The following LMNB2 variants were observed in gnomAD, a reference collection of about 807,000 sequenced individuals.
LMNB2 encodes lamin B2.
A neutral mutation model predicts 69.3 loss-of-function variants in LMNB2; 17 were observed. The observed-to-expected ratio is 0.25, with a 90% CI of 0.17 to 0.37. The LOEUF (loss-of-function observed/expected upper bound fraction) is 0.37, where lower values mean the gene tolerates loss of function less well. Ranked by LOEUF, LMNB2 falls within the 10% of genes least tolerant of loss-of-function variation. The pLI is 1.00. For synonymous variants in LMNB2, 397 were observed against 389.3 expected (o/e 1.02, Z -0.23); for missense variants, 789 against 883.6 (o/e 0.89, Z 1.36).
At chr19:2,434,955 C>G in intron 5 of LMNB2, 42 bp from the exon 6 acceptor site, 1 of 1,586,194 alleles carries the variant, frequency 6.3e-7, no homozygotes. Flanking sequence ...CGGGGCGGGG[C>G]GGGGTTCCCA....
Position 2,433,938 on chromosome 19 carries a change from C to G in LMNB2, c.1370G>C (p.Gly457Ala), listed in dbSNP as rs1971782962. 6.2e-7 allele frequency: 1 copy of G among 1,612,092 alleles called. No homozygotes were observed. Among genetic ancestry groups the G allele is most frequent in the Non-Finnish European group, 8.5e-7 (1 of 1,179,776 alleles). The part of the protein sequence containing the change: ...SGPSVLGTGT[G>A]GSGGFHLAQQ... ...GGCCAGGTGGAAGCCACCGCTGCCA[C>G]CCGTGCCCGTGCCCAGGACGCTTGG... Residue 457 changes from glycine (G) to alanine (A), a missense_variant, in exon 8 of 12, where the codon GGT (glycine) becomes GCT (alanine). By Grantham distance (60) the Gly-to-Ala change is moderately conservative. Around this residue, in one of 3 missense-constraint regions of LMNB2, gnomAD observed 609 missense variants for 630.9 expected, o/e 0.97. Coordinates refer to ENST00000325327, the MANE Select transcript of LMNB2 (RefSeq NM_032737.4).
At position 2,433,952 on chromosome 19, in the gene LMNB2, C is replaced by G. The variant is rs769439598; in HGVS notation, c.1356G>C (p.Leu452=). 1 of 1,611,822 alleles carries G rather than the reference C, an allele frequency of 6.2e-7. No homozygotes were observed. Among genetic ancestry groups the G allele is most frequent in the African/African-American group, 1.3e-5 (1 of 74,918 alleles). ...CACCGCTGCCACCCGTGCCCGTGCCCAGGACGCTTGGGCCGCTGCCCAAGG... is the reference window on the plus strand; with the variant it reads ...CACCGCTGCCACCCGTGCCCGTGCCGAGGACGCTTGGGCCGCTGCCCAAGG... ...EEPLGSGPSV[L]GTGTGGSGGF... The change falls in exon 8 of 12, where the codon CTG becomes CTC. Residue 452 remains leucine, a synonymous_variant. Transcript: ENST00000325327.
chr19:2,438,615 C>G (rs1971857069), intron 2 of LMNB2, 84 bp from the exon 3 acceptor site: 19 of 1,521,672 alleles, frequency 1.2e-5, no homozygotes, highest in Non-Finnish European at 1.7e-5. Context: ...CAGGCAAGCC[C>G]AAAGACAAGG....
In LMNB2 at chr19:2,456,700, G is replaced by T; in HGVS notation, c.234C>A (p.Ile78=). The stretch of plus-strand genomic sequence containing the variant: ...GCGTGGTCACCTCCTCCTTCTCTGA[G>T]ATCTTGAGCAGGAGCCGGTCGTTCT... ...ELENDRLLLK[I]SEKEEVTTRE... is the part of the protein sequence containing the mutation. Residue 78 remains isoleucine, a synonymous_variant, in exon 1 of 12, where the codon ATC becomes ATA. Transcript: ENST00000325327. The T allele has an allele frequency of 6.4e-7, 1 of 1,558,132 alleles. No homozygotes were observed. Among genetic ancestry groups the T allele is most frequent in the Non-Finnish European group, 8.7e-7 (1 of 1,152,728 alleles).
In LMNB2 at chr19:2,434,287, T is replaced by G. The variant is rs1329447645; in HGVS notation, c.1202+8A>C. 6.2e-7 allele frequency: 1 copy of G among 1,611,974 alleles called. No individual in the cohort carries two copies. Among genetic ancestry groups the G allele is most frequent in the Non-Finnish European group, 8.5e-7 (1 of 1,179,744 alleles). On this transcript the variant is annotated splice_region_variant and intron_variant, in intron 7 of 11. Coordinates refer to ENST00000325327, the MANE Select transcript of LMNB2 (RefSeq NM_032737.4). ...CTCTGTGCTCCCAAGCCTCCTGGCC[T>G]GCCGCACCTCTCCTCCTCGCCCTCC... is the stretch of plus-strand genomic sequence containing the variant.
intron 1 of LMNB2, among the ~76,000 whole-genome samples, chr19:2,450,289 T>C (rs2145470810): frequency 6.6e-6 from 1 of 152,066 alleles, no homozygotes; most frequent in African/African-American, 2.4e-5. Context: ...ACTATCAGCC[T>C]GGAGGAGCCT....
chr19:2,456,214 G>A (rs1269040907), intron 1 of LMNB2, among the ~76,000 whole-genome samples: 1 of 150,226 alleles, frequency 6.7e-6, no homozygotes, highest in African/African-American at 2.5e-5. Flanking sequence ...CCCAGCTCAG[G>A]GTTCCCCGCG....
At chr19:2,449,678 G>A (rs1971997946) in intron 1 of LMNB2, among the ~76,000 whole-genome samples, 1 of 152,040 alleles carries the variant, frequency 6.6e-6, no homozygotes, top group African/African-American at 2.4e-5. Flanking sequence ...TCGGGAGGCT[G>A]AGACAGGAGA....
chr19:2,455,967 C>T (rs73918168), intron 1 of LMNB2, among the ~76,000 whole-genome samples: 10,693 of 151,330 alleles, frequency 0.071, 1,294 homozygotes, highest in African/African-American at 0.25. Context: ...GGACCCTTCC[C>T]GGTCTGCACC....
intron 1 of LMNB2, among the ~76,000 whole-genome samples, chr19:2,446,529 C>CGA: frequency 6.6e-6 from 1 of 152,348 alleles, no homozygotes; most frequent in Non-Finnish European, 1.5e-5. Flanking sequence ...GCTCAGGCTT[C>CGA]TAGTGGCCTT....
At chr19:2,434,579 G>T in intron 6 of LMNB2, 64 bp from the exon 7 acceptor site, 1 of 1,560,322 alleles carries the variant, frequency 6.4e-7, no homozygotes, top group Non-Finnish European at 8.7e-7. Flanking sequence ...AGGTGATCCT[G>T]GGACTGCGGG....
At chr19:2,446,479 G>A (rs551022317) in intron 1 of LMNB2, among the ~76,000 whole-genome samples, 3 of 152,308 alleles carry the variant, frequency 2.0e-5, no homozygotes, top group African/African-American at 7.2e-5. Flanking sequence ...AACCACAGCC[G>A]CCACCTGCCC....
At chr19:2,436,156 G>A (rs921076306) in intron 4 of LMNB2, among the ~76,000 whole-genome samples, 8 of 151,930 alleles carry the variant, frequency 5.3e-5, no homozygotes, top group African/African-American at 1.7e-4. Context: ...GGTGGCACCC[G>A]CCTATAATCC....
chr19:2,448,152 A>G (rs1971979773), intron 1 of LMNB2, among the ~76,000 whole-genome samples: 1 of 152,122 alleles, frequency 6.6e-6, no homozygotes, highest in African/African-American at 2.4e-5. Context: ...CGTGCCCTCC[A>G]CATCTGTGTC....
Position 2,456,945 on chromosome 19 carries a change from C to T in LMNB2, c.-12G>A, listed in dbSNP as rs1202459496. ...CTCGGCGGGCTCATTCAATCCGCGC[C>T]GCCGGCTGCAAGATGGCGCCGCGCC... On this transcript the variant is annotated 5_prime_UTR_variant, in exon 1 of 12. Coordinates refer to ENST00000325327, the MANE Select transcript of LMNB2 (RefSeq NM_032737.4). The T allele has an allele frequency of 3.0e-6, 3 of 987,756 alleles. No individual in the cohort carries two copies. The highest frequency in any genetic ancestry group is 3.5e-5 in the African/African-American group (2 of 56,684). 61.2% of individuals were successfully genotyped at this position (987,756 alleles called of 1,614,324 possible). A position where few individuals can be genotyped will look rare whatever the true frequency, so the allele number is the denominator to read the frequency against.
At chr19:2,452,021 G>A (rs11084941) in intron 1 of LMNB2, among the ~76,000 whole-genome samples, 11 of 151,900 alleles carry the variant, frequency 7.2e-5, no homozygotes, top group African/African-American at 2.7e-4. Context: ...TGCCTCTCCC[G>A]CGCCTGGACA....
chr19:2,456,245 C>A (rs1324501689), intron 1 of LMNB2, among the ~76,000 whole-genome samples: 1 of 150,972 alleles, frequency 6.6e-6, no homozygotes, highest in African/African-American at 2.4e-5. Flanking sequence ...CCGCAGTGGG[C>A]TGGGCCTAGC....
At chr19:2,431,117 T>C (rs1266442513) in intron 11 of LMNB2, among the ~76,000 whole-genome samples, 165 bp from the exon 12 acceptor site, 1 of 151,620 alleles carries the variant, frequency 6.6e-6, no homozygotes, top group Non-Finnish European at 1.5e-5. Flanking sequence ...AGCCCGCCTG[T>C]GAGCTACACA....
intron 1 of LMNB2, among the ~76,000 whole-genome samples, chr19:2,451,979 G>A (rs1972026957): frequency 1.3e-5 from 2 of 151,544 alleles, no homozygotes; most frequent in East Asian, 1.9e-4. Flanking sequence ...CCTCGGGAAC[G>A]TAAGGCCTGG....
Sources: gnomAD v4.1 joint callset for allele counts (sites outside exome capture counted in the v4.1 genomes callset) on GRCh38, gnomAD v4.1.1 for gene constraint, gnomAD v4.1.1 regional missense constraint, MANE v1.5 for transcripts, NCBI Gene and HGNC (gene_info 2026-07-23, HGNC 2026-07-21) for gene names.